Variants in EGFR observed in about 807,000 individuals in gnomAD.
EGFR encodes avian erythroblastic leukemia viral (v-erb-b) oncogene homolog.
A neutral mutation model predicts 143.0 loss-of-function variants in EGFR; 58 were observed. The ratio of observed to expected loss-of-function variants is 0.41; its 90% CI spans 0.33 to 0.50. The LOEUF (loss-of-function observed/expected upper bound fraction) is 0.50, where lower values mean the gene tolerates loss of function less well. Among genes scored for constraint, EGFR ranks in the 20% least tolerant of loss-of-function variants. The probability of loss-of-function intolerance (pLI) is 0.39; values close to 1 mark genes in which losing one functional copy is unlikely to be tolerated. For missense variants in EGFR, 1,307 were observed against 1,579.0 expected, an observed-to-expected ratio of 0.83 and a Z score of 2.92; for synonymous variants, 613 against 594.4, an observed-to-expected ratio of 1.03 and a Z score of -0.45.
chr7:55,080,021 AT>A, intron 1 of EGFR, among the ~76,000 whole-genome samples: 1 of 152,168 alleles, frequency 6.6e-6, no homozygotes, highest in Middle Eastern at 3.4e-3. Context: ...TATATTTTTA[AT>A]TTTTTTATTT....
intron 19 of EGFR, chr7:55,180,945 C>A: frequency 2.5e-6 from 1 of 399,312 alleles, no homozygotes; most frequent in South Asian, 2.4e-5. Flanking sequence ...AACCTTGAGG[C>A]GGAGGTCTTC....
At chr7:55,100,423 G>GT (rs1222560080) in intron 1 of EGFR, among the ~76,000 whole-genome samples, 1 of 152,240 alleles carries the variant, frequency 6.6e-6, no homozygotes, top group African/African-American at 2.4e-5. Flanking sequence ...CAAAAACATG[G>GT]TTCTTGCCAG....
intron 1 of EGFR, among the ~76,000 whole-genome samples, chr7:55,073,399 T>C (rs1419099149): frequency 6.6e-6 from 1 of 152,190 alleles, no homozygotes; most frequent in African/African-American, 2.4e-5. Flanking sequence ...TTTCAGGCAG[T>C]ATGTGGGTGA....
rs183846556 is a variant in EGFR, at chr7:55,123,773, G to A, written c.89-18513G>A. 3.3e-3 allele frequency among the ~76,000 whole-genome samples: 507 copies of A among 152,214 alleles called. 3 individuals are homozygous for A. Among genetic ancestry groups the A allele is most frequent in the African/African-American group, 0.012 (490 of 41,532 alleles). On this transcript the variant is annotated intron_variant, in intron 1 of 27. Coordinates refer to ENST00000275493, the MANE Select transcript of EGFR (RefSeq NM_005228.5). ...TAGAGGAATCAAGCAGGAGGGGAGA[G>A]TAATAAAAGACTAGAGCAGCAGGTT...
intron 1 of EGFR, among the ~76,000 whole-genome samples, chr7:55,121,502 G>A (rs925200322): frequency 6.6e-6 from 1 of 152,116 alleles, no homozygotes. Context: ...ACTGCCCTTC[G>A]AGAGCTGTCA....
Position 55,196,195 on chromosome 7 carries a change from C to CTTTTTTTTTTTTTTTTTTTTTTTTT in EGFR, c.2702-2518_2702-2517insTTTTTTTTTTTTTTTTTTTTTTTTT, listed in dbSNP as rs1331766673. ...GTGTTGGGATTTTTTTTTTTTTTTA[C>CTTTTTTTTTTTTTTTTTTTTTTTTT]TTTTCAATAATAGCCATCTGACTGG... On this transcript the variant is annotated intron_variant, in intron 22 of 27. Transcript: ENST00000275493. Among the ~76,000 whole-genome samples, 115 of 55,324 alleles carry CTTTTTTTTTTTTTTTTTTTTTTTTT rather than the reference C, an allele frequency of 2.1e-3. 1 individual carries two copies. The highest frequency in any genetic ancestry group is 4.3e-3 in the African/African-American group (58 of 13,604). The allele number at this position is 55,324 out of a possible 152,430, so 36.3% of individuals were successfully genotyped here.
intron 1 of EGFR, among the ~76,000 whole-genome samples, chr7:55,140,824 G>A (rs373521462): frequency 3.3e-5 from 5 of 152,202 alleles, no homozygotes; most frequent in Admixed American, 3.3e-4. Flanking sequence ...ACACAGAAGG[G>A]AAGAACAGGG....
At chr7:55,024,412 T>C (rs2128857886) in intron 1 of EGFR, among the ~76,000 whole-genome samples, 1 of 152,298 alleles carries the variant, frequency 6.6e-6, no homozygotes, top group Non-Finnish European at 1.5e-5. Flanking sequence ...TTTATCTCAT[T>C]CTGGTGGGTT....
chr7:55,066,428 G>T (rs1789508667), intron 1 of EGFR, among the ~76,000 whole-genome samples: 1 of 95,758 alleles, frequency 1.0e-5, no homozygotes, highest in African/African-American at 4.8e-5. Context: ...AGGGAGCTTG[G>T]GTTGTAGCCT....
intron 19 of EGFR, 73 bp downstream of exon 19, chr7:55,174,893 C>T (rs974517304): frequency 6.0e-6 from 7 of 1,174,586 alleles, no homozygotes; most frequent in Non-Finnish European, 8.9e-6. Flanking sequence ...TGTCTGGCAG[C>T]TGCTCTGCTC....
intron 19 of EGFR, among the ~76,000 whole-genome samples, chr7:55,178,662 T>A (rs565902931): frequency 6.6e-6 from 1 of 152,234 alleles, no homozygotes; most frequent in Non-Finnish European, 1.5e-5. Flanking sequence ...TGACTTTTTA[T>A]AAACAAGCAC....
chr7:55,141,508 A>AT (rs1392661845), intron 1 of EGFR, among the ~76,000 whole-genome samples: 4 of 152,182 alleles, frequency 2.6e-5, no homozygotes, highest in African/African-American at 9.7e-5. Context: ...GTGGATCAAC[A>AT]TGGAGTGTGG....
intron 1 of EGFR, among the ~76,000 whole-genome samples, chr7:55,090,275 G>A (rs559607992): frequency 3.5e-4 from 53 of 152,234 alleles, no homozygotes; most frequent in African/African-American, 1.2e-3. Flanking sequence ...TAGTTTTGAT[G>A]ACCAGGTCCT....
At chr7:55,196,177 G>GTTTTTTTTTTTTTTTTTTTTTTTTTT (rs1456606416) in intron 22 of EGFR, among the ~76,000 whole-genome samples, 1 of 13,976 alleles carries the variant, frequency 7.2e-5, no homozygotes, top group African/African-American at 4.1e-4. Flanking sequence ...CATGTGTTGG[G>GTTTTTTTTTTTTTTTTTTTTTTTTTT]ATTTTTTTTT....
chr7:55,174,149 T>C, intron 18 of EGFR, 106 bp downstream of exon 18: 1 of 1,492,488 alleles, frequency 6.7e-7, no homozygotes, highest in Non-Finnish European at 9.1e-7. Context: ...TCTACTTTAC[T>C]CTTTGTTTCA....
rs373915835 is a variant in EGFR at position 55,087,273 on chromosome 7, T to TAAAAAAAAAAAAAAA, written c.89-55003_89-55002insAAAAAAAAAAAAAAA. Reference sequence around the variant, plus strand: ...TCACTTTAAGTAGTTTCTCAATTGTTAAAAAAAAAACAAAAAAAAAAAAAC... The same window carrying TAAAAAAAAAAAAAAA: ...TCACTTTAAGTAGTTTCTCAATTGTTAAAAAAAAAAAAAAAAAAAAAAAAACAAAAAAAAAAAAAC... On this transcript the variant is annotated intron_variant, in intron 1 of 27. Coordinates refer to ENST00000275493, the MANE Select transcript of EGFR (RefSeq NM_005228.5). Among the ~76,000 whole-genome samples, 111 of 102,092 alleles carry TAAAAAAAAAAAAAAA rather than the reference T, an allele frequency of 1.1e-3. 1 individual carries two copies. Among genetic ancestry groups the TAAAAAAAAAAAAAAA allele is most frequent in the Non-Finnish European group, 1.5e-3 (80 of 54,362 alleles). 67.0% of individuals were successfully genotyped at this position (102,092 alleles called of 152,430 possible).
chr7:55,193,020 T>C (rs1479965967), intron 22 of EGFR, among the ~76,000 whole-genome samples, 179 bp downstream of exon 22: 1 of 150,668 alleles, frequency 6.6e-6, no homozygotes, highest in Non-Finnish European at 1.5e-5. Flanking sequence ...GGAAATCGAG[T>C]CCAGCTGCCG....
rs17289823 is a variant in EGFR, at chr7:55,152,676, C to T, written c.747+12C>T. On this transcript the variant is annotated intron_variant, in intron 6 of 27. Coordinates refer to ENST00000275493, the MANE Select transcript of EGFR (RefSeq NM_005228.5). ...AGAGCGACTGCCTGGTAAGATGCCC[C>T]TCCAGCAGCCTCCCTGGAGCAGGCT... 4.3e-6 allele frequency: 7 copies of T among 1,610,794 alleles called. No homozygotes were observed. The African/African-American group carries it at 9.3e-5, about 22-fold the overall frequency.
intron 1 of EGFR, among the ~76,000 whole-genome samples, chr7:55,134,937 G>C (rs1794055253): frequency 6.6e-6 from 1 of 152,146 alleles, no homozygotes; most frequent in Admixed American, 6.5e-5. Context: ...AGTACACTGA[G>C]CACTGAGACC....
Sources: gnomAD v4.1 joint callset for allele counts (sites outside exome capture counted in the v4.1 genomes callset) on GRCh38, gnomAD v4.1.1 for gene constraint, MANE v1.5 for transcripts, NCBI Gene and HGNC (gene_info 2026-07-23, HGNC 2026-07-21) for gene names.